Variants in SLC36A4 observed in about 807,000 individuals in gnomAD.
SLC36A4 encodes neutral amino acid uniporter 4.
SLC36A4 carries 49 observed loss-of-function variants against 50.5 expected under a neutral mutation model. The ratio of observed to expected loss-of-function variants is 0.97; its 90% confidence interval spans 0.77 to 1.23. SLC36A4 has a LOEUF of 1.23. Ranked by LOEUF, SLC36A4 falls within the 50% of genes most tolerant of loss-of-function variation. The pLI, the probability that SLC36A4 is intolerant of heterozygous loss-of-function variation, is 0.00. For missense variants in SLC36A4, 611 were observed against 608.4 expected (o/e 1.00, Z -0.05); for synonymous variants, 207 against 206.5 (o/e 1.00, Z -0.02).
intron 6 of SLC36A4, among the ~76,000 whole-genome samples, chr11:93,170,653 T>C (rs1303526283): frequency 6.6e-6 from 1 of 152,080 alleles, no homozygotes; most frequent in African/African-American, 2.4e-5. Flanking sequence ...TTATTTGTAA[T>C]ACTGTATTCC....
intron 9 of SLC36A4, among the ~76,000 whole-genome samples, chr11:93,158,022 G>A (rs1157114771): frequency 6.6e-6 from 1 of 152,128 alleles, no homozygotes; most frequent in Admixed American, 6.5e-5. Context: ...AGAGTAAGAA[G>A]AAATTTAAGA....
intron 6 of SLC36A4, among the ~76,000 whole-genome samples, chr11:93,175,505 G>A (rs1235138647): frequency 6.0e-5 from 9 of 150,162 alleles, no homozygotes; most frequent in South Asian, 2.1e-4. Flanking sequence ...GAATGTGTTC[G>A]CTCTTGCTTT....
chr11:93,176,604 G>A (rs1242846510), intron 6 of SLC36A4, among the ~76,000 whole-genome samples: 2 of 151,938 alleles, frequency 1.3e-5, no homozygotes, highest in African/African-American at 2.4e-5. Flanking sequence ...TCCTTTCCAT[G>A]TTTAGCGCTT....
At position 93,185,786 on chromosome 11, in the gene SLC36A4, A is replaced by T; in HGVS notation, c.84T>A (p.Asn28Lys). ...LDMDVMRPLI[N>K]EQNFDGTSDE... The stretch of plus-strand genomic sequence containing the variant: ...CTGATGTCCCATCAAAATTCTGCTC[A>T]TTTATCAAGGGCCTCATTACATCCA... Residue 28 changes from asparagine (N) to lysine (K), a missense_variant, in exon 2 of 11, where the codon AAT becomes AAA. Asn to Lys is a moderately conservative substitution (Grantham distance 94). Coordinates refer to ENST00000326402, the MANE Select transcript of SLC36A4 (RefSeq NM_152313.4). 1.2e-6 allele frequency: 2 copies of T among 1,608,066 alleles called. No homozygotes were observed. The highest frequency in any genetic ancestry group is 1.7e-6 in the Non-Finnish European group (2 of 1,178,570).
intron 4 of SLC36A4, chr11:93,182,244 T>C: frequency 2.4e-6 from 2 of 816,556 alleles, no homozygotes; most frequent in Non-Finnish European, 3.0e-6. Flanking sequence ...TTCTCTCTTT[T>C]TTTTTCCCAA....
chr11:93,189,851 T>C (rs528898448), intron 1 of SLC36A4, among the ~76,000 whole-genome samples: 5 of 152,334 alleles, frequency 3.3e-5, no homozygotes, highest in Middle Eastern at 3.4e-3. Context: ...TTATTTGTAA[T>C]GGCATTATTG....
intron 9 of SLC36A4, among the ~76,000 whole-genome samples, chr11:93,156,496 T>G (rs1860370205): frequency 6.6e-6 from 1 of 151,714 alleles, no homozygotes. Context: ...CTTAGCTCAC[T>G]GCAACCTCCA....
Position 93,182,848 on chromosome 11 carries a change from C to G in SLC36A4, c.317G>C (p.Cys106Ser). 1 of 1,612,904 alleles carries G rather than the reference C, an allele frequency of 6.2e-7. No homozygotes were observed. Among genetic ancestry groups the G allele is most frequent in the Non-Finnish European group, 8.5e-7 (1 of 1,179,440 alleles). Residue 106 changes from cysteine to serine, a missense_variant, in exon 4 of 11, where the codon TGT (cysteine) becomes TCT (serine). Physicochemically the swap from Cys to Ser is moderately radical, Grantham distance 112 (BLOSUM62 -1). Transcript: ENST00000326402. ...LVFIGIISVH[C>S]MHILVRCSHF... ...ACTGCAACGTACCAATATGTGCATA[C>G]AGTGAACAGAAATAATTCCTATAAA...
intron 1 of SLC36A4, 23 bp downstream of exon 1, chr11:93,197,755 C>G (rs567681057): frequency 1.3e-6 from 2 of 1,586,924 alleles, no homozygotes; most frequent in Admixed American, 1.7e-5. Context: ...AGCCCCGGCT[C>G]CCTGCCCACG....
chr11:93,186,795 G>A (rs1400232298), intron 1 of SLC36A4, among the ~76,000 whole-genome samples: 1 of 152,034 alleles, frequency 6.6e-6, no homozygotes, highest in Non-Finnish European at 1.5e-5. Context: ...ATCTTCCCTT[G>A]GCTGGAAGAA....
intron 7 of SLC36A4, chr11:93,166,596 T>G (rs1860878651): frequency 5.7e-6 from 1 of 174,410 alleles, no homozygotes; most frequent in Non-Finnish European, 1.1e-5. Flanking sequence ...TGGCTTTGAT[T>G]GCTTGGTCCT....
chr11:93,173,344 C>T (rs373191552), intron 6 of SLC36A4, among the ~76,000 whole-genome samples: 18 of 147,446 alleles, frequency 1.2e-4, no homozygotes, highest in South Asian at 2.2e-4. Flanking sequence ...TTCTGGATAT[C>T]AGCCCTTTGT....
chr11:93,190,559 C>T (rs777908528), intron 1 of SLC36A4, among the ~76,000 whole-genome samples: 2 of 152,094 alleles, frequency 1.3e-5, no homozygotes, highest in Non-Finnish European at 2.9e-5. Flanking sequence ...CTTTAACTCT[C>T]TTATAATGAG....
rs536252456 is a variant in SLC36A4, at chr11:93,165,923, C to T, written c.862G>A (p.Gly288Arg). ...GTAVFAFEGI[G>R]VVLPLENQMK... ...AATAAAGACTAAATTCTTACCACTC[C>T]TATGCCTTCAAAAGCAAATACAGCA... Residue 288 changes from glycine to arginine, a missense_variant, in exon 8 of 11, where the codon GGA (glycine) becomes AGA (arginine). Coordinates refer to ENST00000326402, the MANE Select transcript of SLC36A4 (RefSeq NM_152313.4). The T allele has an allele frequency of 3.1e-6, 5 of 1,595,418 alleles. No homozygotes were observed. The highest frequency in any genetic ancestry group is 1.1e-5 in the South Asian group (1 of 89,196).
chr11:93,168,819 A>T (rs1363659085), intron 6 of SLC36A4, among the ~76,000 whole-genome samples: 2 of 152,058 alleles, frequency 1.3e-5, no homozygotes, highest in Non-Finnish European at 2.9e-5. Context: ...CTTATATTAA[A>T]ACTTATTCAG....
At chr11:93,196,308 G>A (rs557728706) in intron 1 of SLC36A4, among the ~76,000 whole-genome samples, 6 of 152,160 alleles carry the variant, frequency 3.9e-5, no homozygotes, top group South Asian at 2.1e-4. Flanking sequence ...ATATAAGTAT[G>A]GGTTACATTA....
intron 10 of SLC36A4, among the ~76,000 whole-genome samples, chr11:93,153,319 T>G (rs922112467): frequency 3.3e-5 from 5 of 152,160 alleles, no homozygotes; most frequent in African/African-American, 4.8e-5. Context: ...TGTATATTTG[T>G]AGTTACAGTA....
At chr11:93,194,935 G>A (rs1358101389) in intron 1 of SLC36A4, among the ~76,000 whole-genome samples, 1 of 152,038 alleles carries the variant, frequency 6.6e-6, no homozygotes, top group Non-Finnish European at 1.5e-5. Context: ...CAGCAAGCCT[G>A]CTATTCCTGC....
At chr11:93,157,958 T>C (rs1017398911) in intron 9 of SLC36A4, among the ~76,000 whole-genome samples, 4 of 152,102 alleles carry the variant, frequency 2.6e-5, no homozygotes, top group Admixed American at 1.3e-4. Flanking sequence ...CTGTAAACTA[T>C]GGCCAAGCAA....
Sources: allele counts gnomAD v4.1 joint callset (sites outside exome capture counted in the v4.1 genomes callset), GRCh38; gene constraint gnomAD v4.1.1; transcripts MANE v1.5; gene names NCBI Gene and HGNC (gene_info 2026-07-23, HGNC 2026-07-21).